OSBPL3: variants seen among roughly 807,000 people sequenced by gnomAD.
OSBPL3 encodes the protein oxysterol binding protein like 3.
A neutral mutation model predicts 120.1 loss-of-function variants in OSBPL3; 65 were observed. The ratio of observed to expected loss-of-function variants is 0.54; its 90% CI spans 0.44 to 0.67. The LOEUF (loss-of-function observed/expected upper bound fraction) is 0.67, where lower values mean the gene tolerates loss of function less well. OSBPL3 is among the 30% of genes least tolerant of loss of function. The pLI, the probability that OSBPL3 is intolerant of heterozygous loss-of-function variation, is 0.00. For missense variants in OSBPL3, 1,004 were observed against 1,082.1 expected (o/e 0.93, Z 1.01); for synonymous variants, 416 against 402.6 (o/e 1.03, Z -0.40).
chr7:24,895,866 G>T lies in OSBPL3; in HGVS notation c.-149-3245C>A, dbSNP rs961726706. Among the ~76,000 whole-genome samples, 3 of 152,130 alleles carry T rather than the reference G, an allele frequency of 2.0e-5. No homozygotes were observed. In the South Asian group the frequency reaches 6.2e-4, roughly 32 times the overall value. ...CTTATTTTGTACTGAGAAATAACAG[G>T]TATACTAAAGTGCACAAATCTTAAG... On this transcript the variant is annotated intron_variant, in intron 1 of 22. Transcript: ENST00000313367.
chr7:24,835,049 T>C lies in OSBPL3; in HGVS notation c.1496-313A>G, dbSNP rs1796835281. Among the ~76,000 whole-genome samples, 1 of 152,224 alleles carries C rather than the reference T, an allele frequency of 6.6e-6. No homozygotes were observed. Among genetic ancestry groups the C allele is most frequent in the African/African-American group, 2.4e-5 (1 of 41,472 alleles). On this transcript the variant is annotated intron_variant, in intron 14 of 22. Coordinates refer to ENST00000313367, the MANE Select transcript of OSBPL3 (RefSeq NM_015550.4). The surrounding 1 kb of genome is among the most constrained non-coding windows in gnomAD (Gnocchi z 4.8). ...GATTTCTATGCCTATAGTTGCTTAT[T>C]GTTTATAAAAACTTGTAAACTTTTT...
At chr7:24,892,298 C>G in intron 2 of OSBPL3, 79 bp downstream of exon 2, 6 of 1,431,352 alleles carry the variant, frequency 4.2e-6, no homozygotes, top group Non-Finnish European at 5.8e-6. Context: ...TAGGCTTTCC[C>G]AAGTAAATGT....
At position 24,805,398 on chromosome 7, in the gene OSBPL3, C is replaced by A. The variant is rs750566150; in HGVS notation, c.2445-961G>T. ...TCCTATTTTGTGGACTGTTCATTTT[C>A]CTATGTCCATTTTTTTTAACACAAA... On this transcript the variant is annotated intron_variant, in intron 21 of 22. Coordinates refer to ENST00000313367, the MANE Select transcript of OSBPL3 (RefSeq NM_015550.4). This position sits in a 1 kb window ranked among gnomAD's most constrained non-coding sequence, Gnocchi z 4.0. 1.1e-4 allele frequency among the ~76,000 whole-genome samples: 17 copies of A among 152,034 alleles called. No individual in the cohort carries two copies. The highest frequency in any genetic ancestry group is 2.1e-4 in the Non-Finnish European group (14 of 67,990).
In OSBPL3 at chr7:24,834,832, A is replaced by C; in HGVS notation, c.1496-96T>G. 5 of 1,129,898 alleles carry C rather than the reference A, an allele frequency of 4.4e-6. No homozygotes were observed. The East Asian group carries it at 1.0e-4, about 23-fold the overall frequency. 70.0% of individuals were successfully genotyped at this position (1,129,898 alleles called of 1,614,324 possible). A position where few individuals can be genotyped will look rare whatever the true frequency, so the allele number is the denominator to read the frequency against. On this transcript the variant is annotated intron_variant, in intron 14 of 22. Transcript: ENST00000313367. This position sits in a 1 kb window ranked among gnomAD's most constrained non-coding sequence, Gnocchi z 5.2. ...TAAAACCTTACGTAGCAAGTAGTCA[A>C]TGTTACTATTAAACTCAGTTGTTCA...
In OSBPL3 at chr7:24,959,985, T is replaced by C. The variant is rs933342701; in HGVS notation, c.-150+19901A>G. On this transcript the variant is annotated intron_variant, in intron 1 of 22. Transcript: ENST00000313367. This position sits in a 1 kb window ranked among gnomAD's most constrained non-coding sequence, Gnocchi z 4.3. ...ATCAGCTACTGAGAGTAGGCAAAGATTGCAGAGAAAGATAAAAGAAAAGAA... is the reference window on the plus strand; with the variant it reads ...ATCAGCTACTGAGAGTAGGCAAAGACTGCAGAGAAAGATAAAAGAAAAGAA... Among the ~76,000 whole-genome samples, 3 of 152,156 alleles carry C rather than the reference T, an allele frequency of 2.0e-5. No homozygotes were observed. The highest frequency in any genetic ancestry group is 2.9e-5 in the Non-Finnish European group (2 of 68,016).
chr7:24,816,942 C>G (rs567806497), intron 17 of OSBPL3, among the ~76,000 whole-genome samples: 1 of 152,092 alleles, frequency 6.6e-6, no homozygotes, highest in African/African-American at 2.4e-5. Context: ...AGTAAGCACA[C>G]AGAGAGGCCC....
chr7:24,914,095 A>G (rs1359756950), intron 1 of OSBPL3, among the ~76,000 whole-genome samples: 2 of 152,108 alleles, frequency 1.3e-5, no homozygotes, highest in Non-Finnish European at 2.9e-5. Context: ...TCAACAGGAT[A>G]CCAACAAGGC....
In OSBPL3 at chr7:24,897,348, C is replaced by T. The variant is rs1229063920; in HGVS notation, c.-149-4727G>A. 1.6e-3 allele frequency among the ~76,000 whole-genome samples: 181 copies of T among 109,862 alleles called. No homozygotes were observed. In the Middle Eastern group the frequency reaches 0.025, roughly 15 times the overall value. The allele number at this position is 109,862 out of a possible 152,430, so 72.1% of individuals were successfully genotyped here. On this transcript the variant is annotated intron_variant, in intron 1 of 22. Coordinates refer to ENST00000313367, the MANE Select transcript of OSBPL3 (RefSeq NM_015550.4). ...TTTTTTTTTTTTTTTTTTTTTGAGA[C>T]GGAGTCTCGCTCTGTCGCCCAGGCT...
chr7:24,980,268 A>AG (rs1164551689), upstream of OSBPL3: 1 of 152,108 alleles, frequency 6.6e-6, no homozygotes, highest in Non-Finnish European at 1.5e-5. Context: ...CGGGGCCCCG[A>AG]GGGGGCGGGA....
chr7:24,860,042 C>T (rs542514226), intron 10 of OSBPL3, among the ~76,000 whole-genome samples: 14 of 152,094 alleles, frequency 9.2e-5, no homozygotes, highest in African/African-American at 2.2e-4. Flanking sequence ...AATATAAAAA[C>T]GTGGGAGTTG....
intron 19 of OSBPL3, among the ~76,000 whole-genome samples, chr7:24,812,841 G>A (rs74970805): frequency 0.032 from 4,834 of 151,858 alleles, 224 homozygotes; most frequent in African/African-American, 0.1. Flanking sequence ...TGAAGGAAAA[G>A]CAAAAAGAAA....
intron 1 of OSBPL3, among the ~76,000 whole-genome samples, chr7:24,963,631 G>T (rs1816039432): frequency 6.6e-6 from 1 of 152,250 alleles, no homozygotes; most frequent in Admixed American, 6.5e-5. Flanking sequence ...TGCCAGCATA[G>T]CATGGAGTGG....
intron 13 of OSBPL3, among the ~76,000 whole-genome samples, chr7:24,841,800 G>C (rs920947940): frequency 6.6e-5 from 10 of 150,952 alleles, no homozygotes; most frequent in African/African-American, 2.4e-4. Context: ...GAAGTCAGGA[G>C]TACGAGTTTG....
rs1381116388 is a variant in OSBPL3 at position 24,965,395 on chromosome 7, G to A, written c.-150+14491C>T. ...AATAAATCCCCTGCCTACCTCACAG[G>A]GTTATTTTGTTGTGAGAAGAAACAT... On this transcript the variant is annotated intron_variant, in intron 1 of 22. Transcript: ENST00000313367. The surrounding 1 kb of genome is among the most constrained non-coding windows in gnomAD (Gnocchi z 4.3). Among the ~76,000 whole-genome samples the A allele has an allele frequency of 6.6e-6, 1 of 152,092 alleles. No homozygotes were observed. Among genetic ancestry groups the A allele is most frequent in the Admixed American group, 6.6e-5 (1 of 15,266 alleles).
rs533267771 is a variant in OSBPL3 at position 24,862,458 on chromosome 7, T to G, written c.871-689A>C. On this transcript the variant is annotated intron_variant, in intron 9 of 22. Coordinates refer to ENST00000313367, the MANE Select transcript of OSBPL3 (RefSeq NM_015550.4). The surrounding 1 kb of genome is among the most constrained non-coding windows in gnomAD (Gnocchi z 4.4). ...GGTTTAAAATGCTTTTCTTTGCACC[T>G]AGGGCTTCTACAAAACAAATGACCT... Among the ~76,000 whole-genome samples, 24 of 152,334 alleles carry G rather than the reference T, an allele frequency of 1.6e-4. No homozygotes were observed. The East Asian group carries it at 4.6e-3, about 29-fold the overall frequency.
At chr7:24,917,386 T>C (rs930380860) in intron 1 of OSBPL3, among the ~76,000 whole-genome samples, 1 of 127,692 alleles carries the variant, frequency 7.8e-6, no homozygotes, top group African/African-American at 3.2e-5. Context: ...TTGTAACATA[T>C]ATATATATTT....
chr7:24,871,719 A>G lies in OSBPL3; in HGVS notation c.267+23T>C, dbSNP rs756611913. On this transcript the variant is annotated intron_variant, in intron 4 of 22. Coordinates refer to ENST00000313367, the MANE Select transcript of OSBPL3 (RefSeq NM_015550.4). The surrounding 1 kb of genome is among the most constrained non-coding windows in gnomAD (Gnocchi z 4.8). ...CCCCTTTAGGATTCTTCAATACCAC[A>G]GTGGGCCCACAAAAAGACTTACATC... The G allele has an allele frequency of 1.9e-6, 3 of 1,585,932 alleles. No individual in the cohort carries two copies. The highest frequency in any genetic ancestry group is 2.6e-6 in the Non-Finnish European group (3 of 1,154,740).
At chr7:24,957,272 T>C (rs1279117012) in intron 1 of OSBPL3, among the ~76,000 whole-genome samples, 5 of 149,350 alleles carry the variant, frequency 3.3e-5, no homozygotes, top group South Asian at 2.1e-4. Flanking sequence ...TTCCGGTCAA[T>C]TAAAAAAGCA....
chr7:24,832,513 GAAAAAAA>G (rs1192440659), intron 15 of OSBPL3, among the ~76,000 whole-genome samples: 12 of 103,906 alleles, frequency 1.2e-4, no homozygotes, highest in Non-Finnish European at 1.8e-4. Flanking sequence ...CTGCCTCAAA[GAAAAAAA>G]AAAAAAAAAA....
Sources: allele counts gnomAD v4.1 joint callset (sites outside exome capture counted in the v4.1 genomes callset), GRCh38; gene constraint gnomAD v4.1.1; non-coding constraint Gnocchi (gnomAD v3.1); transcripts MANE v1.5; gene names NCBI Gene and HGNC (gene_info 2026-07-23, HGNC 2026-07-21).